Variants in RAPGEF2 observed in about 807,000 individuals in gnomAD.
The protein encoded by RAPGEF2 is PDZ domain containing guanine nucleotide exchange factor (GEF) 1.
In RAPGEF2, 54 loss-of-function variants were observed where a neutral mutation model predicts 186.7. That is an observed-to-expected ratio of 0.29 (90% CI 0.23 to 0.36). The LOEUF is 0.36. RAPGEF2 is among the 10% of genes least tolerant of loss of function. RAPGEF2 has a pLI of 1.00. For synonymous variants in RAPGEF2, 712 were observed against 705.9 expected (o/e 1.01, Z -0.14); for missense variants, 1,532 against 2,045.0 (o/e 0.75, Z 4.84).
At position 159,341,544 on chromosome 4, in the gene RAPGEF2, T is replaced by G. The variant is rs750280027; in HGVS notation, c.2535-20T>G. ...ATTGCTGCTTAGGCTTTGACTCTGA[T>G]ATGTTTCTGTTTTTCATAGGTATTA... On this transcript the variant is annotated intron_variant, in intron 19 of 29. Coordinates refer to ENST00000691494, the MANE Select transcript of RAPGEF2 (RefSeq NM_001394067.2). 392 of 1,556,326 alleles carry G rather than the reference T, an allele frequency of 2.5e-4. No homozygotes were observed. Among genetic ancestry groups the G allele is most frequent in the Non-Finnish European group, 3.2e-4 (371 of 1,156,158 alleles).
At chr4:159,207,212 A>T (rs1750081067) in intron 3 of RAPGEF2, among the ~76,000 whole-genome samples, 1 of 152,204 alleles carries the variant, frequency 6.6e-6, no homozygotes, top group East Asian at 1.9e-4. Context: ...AGAGATTACC[A>T]CTTACCTTCA....
intron 1 of RAPGEF2, among the ~76,000 whole-genome samples, chr4:159,125,871 A>G (rs945867175): frequency 1.3e-5 from 2 of 152,174 alleles, no homozygotes; most frequent in East Asian, 3.8e-4. Flanking sequence ...TTAGATGTGA[A>G]ATTACTTAGT....
At chr4:159,130,280 C>G (rs1740883179) in intron 1 of RAPGEF2, among the ~76,000 whole-genome samples, 1 of 152,042 alleles carries the variant, frequency 6.6e-6, no homozygotes. Flanking sequence ...CATCCTGTGA[C>G]CAAGAATGTC....
intron 17 of RAPGEF2, 50 bp downstream of exon 17, chr4:159,332,747 A>G (rs763120565): frequency 3.2e-6 from 5 of 1,576,260 alleles, no homozygotes; most frequent in Middle Eastern, 1.7e-4. Flanking sequence ...TGTTAAAATG[A>G]TATGCAAAGA....
chr4:159,257,812 G>GT (rs1579641620), intron 7 of RAPGEF2, among the ~76,000 whole-genome samples: 1 of 152,144 alleles, frequency 6.6e-6, no homozygotes, highest in East Asian at 1.9e-4. Flanking sequence ...GTACCATGCT[G>GT]TTTTGGTTAC....
intron 26 of RAPGEF2, among the ~76,000 whole-genome samples, chr4:159,350,505 ATAAC>A (rs1367326106): frequency 1.3e-5 from 2 of 152,172 alleles, no homozygotes; most frequent in Non-Finnish European, 2.9e-5. Flanking sequence ...TATTAAATTT[ATAAC>A]TATAAGAAGC....
At chr4:159,344,167 C>T in intron 23 of RAPGEF2, 108 bp downstream of exon 23, 1 of 1,225,838 alleles carries the variant, frequency 8.2e-7, no homozygotes, top group Non-Finnish European at 1.2e-6. Context: ...CATTTTTTTC[C>T]TTAACCCTCG....
intron 1 of RAPGEF2, among the ~76,000 whole-genome samples, chr4:159,159,717 A>G (rs1003846959): frequency 6.6e-6 from 1 of 152,218 alleles, no homozygotes; most frequent in African/African-American, 2.4e-5. Context: ...CAAGATTATA[A>G]TAACAATTCT....
chr4:159,316,135 T>C (rs1764569286), intron 9 of RAPGEF2, among the ~76,000 whole-genome samples: 1 of 152,240 alleles, frequency 6.6e-6, no homozygotes, highest in Non-Finnish European at 1.5e-5. Context: ...CTGGTGGCCC[T>C]GTCTGGGCGT....
At chr4:159,338,012 T>C (rs1485274211) in intron 17 of RAPGEF2, among the ~76,000 whole-genome samples, 2 of 151,884 alleles carry the variant, frequency 1.3e-5, no homozygotes, top group African/African-American at 2.4e-5. Flanking sequence ...CCTAGCACTT[T>C]GGGAGGCCAC....
intron 1 of RAPGEF2, among the ~76,000 whole-genome samples, chr4:159,138,305 C>G (rs1453697821): frequency 6.6e-6 from 1 of 152,104 alleles, no homozygotes; most frequent in African/African-American, 2.4e-5. Context: ...GACTATTTTT[C>G]CTTTTTGATA....
At chr4:159,201,801 T>C (rs77925139) in intron 3 of RAPGEF2, among the ~76,000 whole-genome samples, 232 of 152,324 alleles carry the variant, frequency 1.5e-3, no homozygotes, top group African/African-American at 5.3e-3. Context: ...TTCTATTTTT[T>C]GGTCATGGGT....
chr4:159,187,842 A>G (rs968050900), intron 2 of RAPGEF2, among the ~76,000 whole-genome samples: 1 of 152,206 alleles, frequency 6.6e-6, no homozygotes, highest in African/African-American at 2.4e-5. Flanking sequence ...TTTAATTATG[A>G]AAGGAATGCT....
At chr4:159,180,920 C>A (rs182849139) in intron 1 of RAPGEF2, among the ~76,000 whole-genome samples, 4 of 152,066 alleles carry the variant, frequency 2.6e-5, no homozygotes, top group African/African-American at 9.7e-5. Flanking sequence ...ATATTCCATT[C>A]TTTACATTTT....
chr4:159,353,026 C>A lies in RAPGEF2; in HGVS notation c.4091+116C>A. The A allele has an allele frequency of 9.8e-7, 1 of 1,022,540 alleles. No homozygotes were observed. Among genetic ancestry groups the A allele is most frequent in the Non-Finnish European group, 1.4e-6 (1 of 711,110 alleles). The allele number at this position is 1,022,540 out of a possible 1,614,324, so 63.3% of individuals were successfully genotyped here. On this transcript the variant is annotated intron_variant, in intron 27 of 29. Transcript: ENST00000691494. The surrounding 1 kb of genome is among the most constrained non-coding windows in gnomAD (Gnocchi z 4.3). ...TTTTACATAATGCCTAAGAATTTTT[C>A]TGCCATCCCAGTTCTGATTTTCACA... is the stretch of plus-strand genomic sequence containing the variant.
intron 7 of RAPGEF2, among the ~76,000 whole-genome samples, chr4:159,246,927 C>T (rs1339797199): frequency 6.6e-6 from 1 of 152,054 alleles, no homozygotes; most frequent in Non-Finnish European, 1.5e-5. Context: ...TGTGATATCA[C>T]ACCTGGCTAT....
chr4:159,171,279 G>A (rs1461675926), intron 1 of RAPGEF2, among the ~76,000 whole-genome samples: 1 of 152,138 alleles, frequency 6.6e-6, no homozygotes, highest in African/African-American at 2.4e-5. Flanking sequence ...CCTTTAACTT[G>A]AACAACAATA....
intron 17 of RAPGEF2, among the ~76,000 whole-genome samples, chr4:159,336,201 G>A (rs1433133625): frequency 6.6e-6 from 1 of 151,040 alleles, no homozygotes; most frequent in Admixed American, 6.6e-5. Context: ...TGGGGTACAC[G>A]TGGTTTTTTG....
At chr4:159,133,736 A>C (rs1295031238) in intron 1 of RAPGEF2, among the ~76,000 whole-genome samples, 2 of 152,026 alleles carry the variant, frequency 1.3e-5, no homozygotes, top group Non-Finnish European at 2.9e-5. Flanking sequence ...GGTGCCTGCC[A>C]CCACGCCCAG....
Sources: allele counts gnomAD v4.1 joint callset (sites outside exome capture counted in the v4.1 genomes callset), GRCh38; gene constraint gnomAD v4.1.1; non-coding constraint Gnocchi (gnomAD v3.1); transcripts MANE v1.5; gene names NCBI Gene and HGNC (gene_info 2026-07-23, HGNC 2026-07-21).